The following SLC25A48 variants were observed in gnomAD, a reference collection of about 807,000 sequenced individuals.
The protein encoded by SLC25A48 is CTC-321K16.1.
A neutral mutation model predicts 32.2 loss-of-function variants in SLC25A48; 29 were observed. The observed-to-expected ratio is 0.90, with a 90% CI of 0.67 to 1.23. The LOEUF is 1.23. Among genes scored for constraint, SLC25A48 ranks in the 50% most tolerant of loss-of-function variants. The probability of loss-of-function intolerance (pLI) is 0.00; values close to 1 mark genes in which losing one functional copy is unlikely to be tolerated. For missense variants in SLC25A48, 399 were observed against 422.7 expected (o/e 0.94, Z 0.49); for synonymous variants, 164 against 172.3 (o/e 0.95, Z 0.38).
At chr5:135,771,245 G>C (rs980319144) in intron 3 of SLC25A48, among the ~76,000 whole-genome samples, 1 of 151,396 alleles carries the variant, frequency 6.6e-6, no homozygotes, top group Non-Finnish European at 1.5e-5. Context: ...CCCATATCAC[G>C]GGAATTGTAC....
intron 1 of SLC25A48, among the ~76,000 whole-genome samples, chr5:135,627,620 G>A (rs1353948922): frequency 6.6e-6 from 1 of 152,096 alleles, no homozygotes; most frequent in Non-Finnish European, 1.5e-5. Context: ...CTGGTACAAG[G>A]ACTCTCCTTC....
chr5:135,608,762 G>C (rs1432155914), intron 1 of SLC25A48, among the ~76,000 whole-genome samples: 2 of 152,220 alleles, frequency 1.3e-5, no homozygotes, highest in Non-Finnish European at 2.9e-5. Flanking sequence ...TTCTCCCAAG[G>C]CTGGCCAAGC....
chr5:135,781,249 G>T (rs1756710456), intron 3 of SLC25A48, among the ~76,000 whole-genome samples: 1 of 116,392 alleles, frequency 8.6e-6, no homozygotes, highest in African/African-American at 2.6e-5. Context: ...GGCGGGGGGA[G>T]TGGGTGATAT....
chr5:135,852,306 C>A (rs1232435252), intron 3 of SLC25A48, among the ~76,000 whole-genome samples: 1 of 152,212 alleles, frequency 6.6e-6, no homozygotes, highest in Non-Finnish European at 1.5e-5. Flanking sequence ...CCGGCGCATG[C>A]ATGGCATGTG....
chr5:135,704,260 A>T lies in SLC25A48; in HGVS notation c.-521+69304A>T, dbSNP rs1754459829. 3.3e-5 allele frequency among the ~76,000 whole-genome samples: 5 copies of T among 152,334 alleles called. No homozygotes were observed. In the South Asian group the frequency reaches 1.0e-3, roughly 32 times the overall value. ...ACTGGTGGCAAATCAGACTAAAAACAAGGCTGTTTTCTTCACCAGTTTGGC... is the reference window on the plus strand; with the variant it reads ...ACTGGTGGCAAATCAGACTAAAAACTAGGCTGTTTTCTTCACCAGTTTGGC... On this transcript the variant is annotated intron_variant, in intron 3 of 10. Transcript: ENST00000646290.
Position 135,638,451 on chromosome 5 carries a change from G to T in SLC25A48, c.-521+3495G>T, listed in dbSNP as rs182480729. Among the ~76,000 whole-genome samples, 43 of 152,294 alleles carry T rather than the reference G, an allele frequency of 2.8e-4. 1 individual carries two copies. Among genetic ancestry groups the T allele is most frequent in the Non-Finnish European group, 4.7e-4 (32 of 68,018 alleles). The stretch of plus-strand genomic sequence containing the variant: ...TTCTTCATTTGTAGCCAACACCCTG[G>T]TGATATCAATGCTTCAGGTCCAGAA... On this transcript the variant is annotated intron_variant, in intron 3 of 10. Transcript: ENST00000646290.
At chr5:135,886,611 A>ATG (rs1561567569) in intron 7 of SLC25A48, among the ~76,000 whole-genome samples, 1 of 54,176 alleles carries the variant, frequency 1.8e-5, no homozygotes, top group Non-Finnish European at 4.8e-5. Flanking sequence ...ATATATATAT[A>ATG]TATATATATA....
intron 3 of SLC25A48, among the ~76,000 whole-genome samples, chr5:135,676,788 T>C (rs1158136094): frequency 6.6e-6 from 1 of 151,992 alleles, no homozygotes; most frequent in African/African-American, 2.4e-5. Context: ...CTCTTAATAT[T>C]GATTTCTAGG....
At chr5:135,710,947 C>A (rs1440581419) in intron 3 of SLC25A48, among the ~76,000 whole-genome samples, 1 of 151,910 alleles carries the variant, frequency 6.6e-6, no homozygotes, top group Admixed American at 6.5e-5. Context: ...TTTTTTAAAC[C>A]AAATTTGGAG....
In SLC25A48 at chr5:135,876,128, C is replaced by CTTTTTTTTTTT. The variant is rs1402681382; in HGVS notation, c.813+1976_813+1977insTTTTTTTTTTT. On this transcript the variant is annotated intron_variant, in intron 6 of 7. Transcript: ENST00000681962. ...TTGTCTTTTGTATCTTTTTTTTCTT[C>CTTTTTTTTTTT]TTCTTTTTTTTTTTTTTTTTTTTTT... The CTTTTTTTTTTT allele has an allele frequency of 4.9e-3, 234 of 47,830 alleles. 25 individuals carry two copies. Among genetic ancestry groups the CTTTTTTTTTTT allele is most frequent in the Admixed American group, 6.9e-3 (23 of 3,338 alleles). 3.0% of individuals were successfully genotyped at this position (47,830 alleles called of 1,614,324 possible).
chr5:135,816,576 A>C (rs1219059102), intron 4 of SLC25A48, among the ~76,000 whole-genome samples: 2 of 152,236 alleles, frequency 1.3e-5, no homozygotes, highest in Non-Finnish European at 2.9e-5. Context: ...ATTCATAAGA[A>C]ATAAAATAAT....
At chr5:135,662,506 C>G (rs764866203) in intron 3 of SLC25A48, among the ~76,000 whole-genome samples, 2 of 152,128 alleles carry the variant, frequency 1.3e-5, no homozygotes, top group Non-Finnish European at 2.9e-5. Flanking sequence ...GCCCCTGTGT[C>G]CAAATAAGAG....
chr5:135,674,477 T>G (rs1284835143), intron 3 of SLC25A48, among the ~76,000 whole-genome samples: 2 of 152,010 alleles, frequency 1.3e-5, no homozygotes, highest in African/African-American at 4.8e-5. Flanking sequence ...ATCACTCTAT[T>G]CTCTACCTCC....
chr5:135,691,454 G>T (rs941194540), intron 3 of SLC25A48, among the ~76,000 whole-genome samples: 5 of 152,174 alleles, frequency 3.3e-5, no homozygotes, highest in Non-Finnish European at 7.3e-5. Context: ...GCAGCTTGGT[G>T]TTGCTCTACA....
chr5:135,672,239 A>G (rs1018201863), intron 3 of SLC25A48, among the ~76,000 whole-genome samples: 1 of 152,208 alleles, frequency 6.6e-6, no homozygotes, highest in East Asian at 1.9e-4. Flanking sequence ...GAGAATGTAA[A>G]GGGAGAGGGT....
chr5:135,665,530 C>T (rs1474777513), intron 3 of SLC25A48, among the ~76,000 whole-genome samples: 1 of 151,736 alleles, frequency 6.6e-6, no homozygotes, highest in Non-Finnish European at 1.5e-5. Flanking sequence ...ATAGTTTTTC[C>T]TAGATTATCT....
At chr5:135,767,187 A>ACCCCC (rs34320053) in intron 3 of SLC25A48, among the ~76,000 whole-genome samples, 1 of 144,782 alleles carries the variant, frequency 6.9e-6, no homozygotes, top group African/African-American at 2.6e-5. Flanking sequence ...GGACAGGTAC[A>ACCCCC]CCCCCCCCCC....
chr5:135,589,516 G>A (rs572599743), intron 1 of SLC25A48, among the ~76,000 whole-genome samples: 6 of 152,214 alleles, frequency 3.9e-5, no homozygotes, highest in Non-Finnish European at 7.3e-5. Flanking sequence ...GCTTGTCAAA[G>A]TTAGTTTCTA....
chr5:135,740,171 T>C (rs2126999387), intron 3 of SLC25A48, among the ~76,000 whole-genome samples: 1 of 151,404 alleles, frequency 6.6e-6, no homozygotes, highest in South Asian at 2.1e-4. Context: ...TGTGTGTGCA[T>C]GTGTGTGTGT....
Sources: gnomAD v4.1 joint callset for allele counts (sites outside exome capture counted in the v4.1 genomes callset) on GRCh38, gnomAD v4.1.1 for gene constraint, MANE v1.5 for transcripts, NCBI Gene and HGNC (gene_info 2026-07-23, HGNC 2026-07-21) for gene names.